Variants in AK1 observed in about 807,000 individuals in gnomAD.
AK1 encodes the protein adenylate kinase 1, also known as adenylate kinase isoenzyme 1.
Under a neutral mutation model 23.9 loss-of-function variants are expected in AK1, and 13 were observed. The observed-to-expected ratio is 0.54, with a 90% CI of 0.35 to 0.86. The LOEUF is 0.86. AK1 is among the 40% of genes least tolerant of loss of function. The probability of loss-of-function intolerance (pLI) is 0.01; values close to 1 mark genes in which losing one functional copy is unlikely to be tolerated. For synonymous variants in AK1, 97 were observed against 102.8 expected (o/e 0.94, Z 0.34); for missense variants, 214 against 255.1 (o/e 0.84, Z 1.10).
At chr9:127,872,351 A>G (rs1407613807) in intron 4 of AK1, among the ~76,000 whole-genome samples, 2 of 150,518 alleles carry the variant, frequency 1.3e-5, no homozygotes, top group Non-Finnish European at 1.5e-5. Context: ...TTGGGGGGGG[A>G]GGTCTTAGGC....
At chr9:127,874,214 G>C in intron 2 of AK1, 1 of 985,416 alleles carries the variant, frequency 1.0e-6, no homozygotes, top group Non-Finnish European at 1.2e-6. Context: ...GAACTAGGAG[G>C]GTCCAAGACT....
chr9:127,868,317 C>A lies in AK1; in HGVS notation c.516+4G>T. 6.3e-7 allele frequency: 1 copy of A among 1,576,592 alleles called. No homozygotes were observed. The highest frequency in any genetic ancestry group is 8.6e-7 in the Non-Finnish European group (1 of 1,160,860). Reference sequence around the variant, plus strand: ...GGAGCTGCCCCTGGGCCCGCGGGGCCCACCTTGCGCACAATGCCACGTTTC... The same window carrying A: ...GGAGCTGCCCCTGGGCCCGCGGGGCACACCTTGCGCACAATGCCACGTTTC... On this transcript the variant is annotated splice_donor_region_variant and intron_variant, in intron 6 of 6. Coordinates refer to ENST00000644144, the MANE Select transcript of AK1 (RefSeq NM_000476.3). This position sits in a 1 kb window ranked among gnomAD's most constrained non-coding sequence, Gnocchi z 4.1.
rs552139871 is a variant in AK1, at chr9:127,871,306, T to C, written c.324+517A>G. Among the ~76,000 whole-genome samples, 142 of 151,744 alleles carry C rather than the reference T, an allele frequency of 9.4e-4. No individual in the cohort carries two copies. The highest frequency in any genetic ancestry group is 1.9e-3 in the Non-Finnish European group (131 of 68,010). ...CTGGAAGGAGACTGATGTCCCTTTA[T>C]GGCATTTGCAGCCTCCAGCCAGGCT... On this transcript the variant is annotated intron_variant, in intron 5 of 6. Transcript: ENST00000644144. The surrounding 1 kb of genome is among the most constrained non-coding windows in gnomAD (Gnocchi z 4.4).
At chr9:127,873,578 C>T (rs1007511253) in intron 2 of AK1, 13 of 1,426,222 alleles carry the variant, frequency 9.1e-6, no homozygotes, top group South Asian at 4.5e-5. Flanking sequence ...AGACAGTTGC[C>T]GGGGTGGAGG....
At position 127,871,745 on chromosome 9, in the gene AK1, C is replaced by G. The variant is rs937206860; in HGVS notation, c.324+78G>C. The G allele has an allele frequency of 7.4e-6, 9 of 1,208,700 alleles. No homozygotes were observed. Among genetic ancestry groups the G allele is most frequent in the Non-Finnish European group, 1.1e-5 (9 of 822,474 alleles). 74.9% of individuals were successfully genotyped at this position (1,208,700 alleles called of 1,614,324 possible). A position where few individuals can be genotyped will look rare whatever the true frequency, so the allele number is the denominator to read the frequency against. ...CAGAACTCTGACCTGCATCACAGCC[C>G]CCGCAGGCCCGCCCATGGGGATGGG... On this transcript the variant is annotated intron_variant, in intron 5 of 6. Transcript: ENST00000644144. The surrounding 1 kb of genome is among the most constrained non-coding windows in gnomAD (Gnocchi z 4.4).
intron 1 of AK1, among the ~76,000 whole-genome samples, chr9:127,875,283 C>A (rs2131411850): frequency 6.6e-6 from 1 of 152,052 alleles, no homozygotes; most frequent in Admixed American, 6.5e-5. Context: ...CCCCTGCACC[C>A]CCACCCTTTG....
At chr9:127,873,566 G>T (rs1829469983) in intron 2 of AK1, 1 of 1,430,040 alleles carries the variant, frequency 7.0e-7, no homozygotes, top group African/African-American at 1.4e-5. Flanking sequence ...ATGTTGCCAT[G>T]GAGACAGTTG....
intron 4 of AK1, 94 bp downstream of exon 4, chr9:127,872,596 G>A: frequency 6.4e-7 from 1 of 1,557,742 alleles, no homozygotes; most frequent in African/African-American, 1.4e-5. Flanking sequence ...GTTACGGTCA[G>A]CTTTGCCTGT....
rs917494687 is a variant in AK1 at position 127,867,598 on chromosome 9, G to T, written c.*410C>A. On this transcript the variant is annotated 3_prime_UTR_variant, in exon 7 of 7. Coordinates refer to ENST00000644144, the MANE Select transcript of AK1 (RefSeq NM_000476.3). ...TGCAGAGGAGCCCAGGCTGGGACCG[G>T]TTCTGCCTGAACATGAGCCCCTCGG... 3.7e-6 allele frequency: 1 copy of T among 269,712 alleles called. No individual in the cohort carries two copies. 16.7% of individuals were successfully genotyped at this position (269,712 alleles called of 1,614,324 possible).
At chr9:127,872,656 T>C (rs529624498) in intron 4 of AK1, 34 bp downstream of exon 4, 1 of 1,612,946 alleles carries the variant, frequency 6.2e-7, no homozygotes, top group South Asian at 1.1e-5. Flanking sequence ...GCTACTGTCA[T>C]CCCCTGCCTC....
intron 1 of AK1, among the ~76,000 whole-genome samples, chr9:127,875,932 G>A (rs967895956): frequency 9.2e-5 from 14 of 152,290 alleles, no homozygotes; most frequent in Non-Finnish European, 1.6e-4. Context: ...ACCCTGCCAC[G>A]CAATTTGCAG....
Position 127,868,231 on chromosome 9 carries a change from G to A in AK1, c.516+90C>T, listed in dbSNP as rs1829293542. Reference sequence around the variant, plus strand: ...GTGGGGAAACCAAGGCCCAGAGAGAGGGGCTGGCCTGAGGCCACACAGTGA... The same window carrying A: ...GTGGGGAAACCAAGGCCCAGAGAGAAGGGCTGGCCTGAGGCCACACAGTGA... On this transcript the variant is annotated intron_variant, in intron 6 of 6. Transcript: ENST00000644144. This position sits in a 1 kb window ranked among gnomAD's most constrained non-coding sequence, Gnocchi z 4.1. The A allele has an allele frequency of 2.0e-6, 3 of 1,467,532 alleles. No individual in the cohort carries two copies. The highest frequency in any genetic ancestry group is 1.2e-5 in the South Asian group (1 of 82,954). 90.9% of individuals were successfully genotyped at this position (1,467,532 alleles called of 1,614,324 possible).
In AK1 at chr9:127,868,475, C is replaced by A; in HGVS notation, c.362G>T (p.Gly121Val). Reference protein sequence around the residue: ...QPTLLLYVDAGPETMTQRLLK... With the variant: ...QPTLLLYVDAVPETMTQRLLK... ...GAGCCGCTGGGTCATGGTCTCAGGG[C>A]CTGCGTCCACATACAGCAGCAGTGT... is the stretch of plus-strand genomic sequence containing the variant. Residue 121 changes from glycine (G) to valine (V), a missense_variant, in exon 6 of 7, where the codon GGC (glycine) becomes GTC (valine). By Grantham distance (109) the Gly-to-Val change is moderately radical (BLOSUM62 -3). Coordinates refer to ENST00000644144, the MANE Select transcript of AK1 (RefSeq NM_000476.3). The surrounding 1 kb of genome is among the most constrained non-coding windows in gnomAD (Gnocchi z 4.1). 1 of 1,601,606 alleles carries A rather than the reference C, an allele frequency of 6.2e-7. No individual in the cohort carries two copies.
intron 1 of AK1, among the ~76,000 whole-genome samples, chr9:127,876,812 T>TAAGGCCCCTGGGTC (rs1393171057): frequency 6.6e-6 from 1 of 152,168 alleles, no homozygotes; most frequent in East Asian, 1.9e-4. Context: ...CCAGGCCTTA[T>TAAGGCCCCTGGGTC]AAGGCCCCTG....
chr9:127,875,019 C>T (rs1829504739), intron 1 of AK1: 2 of 287,578 alleles, frequency 7.0e-6, no homozygotes, highest in South Asian at 3.7e-5. Context: ...GAAAACAGGG[C>T]GCAGGGCCAG....
intron 2 of AK1, 104 bp downstream of exon 2, chr9:127,874,507 A>G (rs1177753218): frequency 1.2e-6 from 2 of 1,608,760 alleles, no homozygotes; most frequent in Non-Finnish European, 1.7e-6. Context: ...GCAGCCCCAG[A>G]GCCTCCTCCA....
At chr9:127,877,816 A>AGCCCGG (rs1181926636), upstream of AK1, 1 of 151,992 alleles carries the variant, frequency 6.6e-6, no homozygotes, top group African/African-American at 2.4e-5. The surrounding 1 kb of genome is among the most constrained non-coding windows in gnomAD (Gnocchi z 5.2). Context: ...ACCGAGCCCG[A>AGCCCGG]GCCCGGGTGC....
chr9:127,867,885 T>C lies in AK1; in HGVS notation c.*123A>G, dbSNP rs528235859. On this transcript the variant is annotated 3_prime_UTR_variant, in exon 7 of 7. Transcript: ENST00000644144. ...TGCTCAGCTGTCCATGAAAACAGGA[T>C]AAGCGGCTTCCTCCGTCTGTGCTCA... is the stretch of plus-strand genomic sequence containing the variant. 1.1e-6 allele frequency: 1 copy of C among 920,970 alleles called. No homozygotes were observed. Among genetic ancestry groups the C allele is most frequent in the East Asian group, 2.4e-5 (1 of 41,340 alleles). 57.0% of individuals were successfully genotyped at this position (920,970 alleles called of 1,614,324 possible).
intron 5 of AK1, among the ~76,000 whole-genome samples, chr9:127,870,010 A>G (rs1249933217): frequency 6.6e-6 from 1 of 152,090 alleles, no homozygotes; most frequent in African/African-American, 2.4e-5. Context: ...CAGTCTCCAG[A>G]AAAGCTTTGG....
Sources: allele counts gnomAD v4.1 joint callset (sites outside exome capture counted in the v4.1 genomes callset), GRCh38; gene constraint gnomAD v4.1.1; non-coding constraint Gnocchi (gnomAD v3.1); transcripts MANE v1.5; gene names NCBI Gene and HGNC (gene_info 2026-07-23, HGNC 2026-07-21).